The following PUDP variants were observed in gnomAD, a reference collection of about 807,000 sequenced individuals.
The protein encoded by PUDP is pseudouridine-5'-phosphatase.
PUDP carries 8 observed loss-of-function variants against 9.4 expected under a neutral mutation model. The observed-to-expected ratio is 0.85, with a 90% CI of 0.50 to 1.53. PUDP has a LOEUF of 1.53. Ranked by LOEUF, PUDP falls within the 40% of genes most tolerant of loss-of-function variation. The pLI, the probability that PUDP is intolerant of heterozygous loss-of-function variation, is 0.00. For missense variants in PUDP, 188 were observed against 189.7 expected, an observed-to-expected ratio of 0.99 and a Z score of 0.05; for synonymous variants, 99 against 80.7, an observed-to-expected ratio of 1.23 and a Z score of -1.22.
intron 1 of PUDP, among the ~76,000 whole-genome samples, chrX:7,025,113 G>A (rs1051995817): frequency 9.0e-6 from 1 of 111,593 alleles, no homozygotes; most frequent in African/African-American, 3.3e-5. Flanking sequence ...GTGTTCTCGG[G>A]TGTAATTACC....
chrX:6,748,435 C>A (rs974480620), intron 3 of PUDP, among the ~76,000 whole-genome samples: 1 of 111,770 alleles, frequency 8.9e-6, no homozygotes, highest in Admixed American at 9.5e-5. Flanking sequence ...ACGGTGCAGG[C>A]AGCATTGTAG....
At position 7,055,893 on chromosome X, in the gene PUDP, G is replaced by A. The variant is rs111655563; in HGVS notation, c.511-5421C>T. Among the ~76,000 whole-genome samples the A allele has an allele frequency of 4.2e-3, 474 of 111,976 alleles. 2 individuals carry two copies. The highest frequency in any genetic ancestry group is 0.018 in the South Asian group (49 of 2,654). ...GCAGAAATATCTCAACACAGTTTCC[G>A]TCTGCCACACCCAGCTACAGGGAAA... is the stretch of plus-strand genomic sequence containing the variant. On this transcript the variant is annotated intron_variant, in intron 3 of 3. Transcript: ENST00000381077.
chrX:7,082,622 G>A (rs1931134699), intron 2 of PUDP, among the ~76,000 whole-genome samples: 1 of 112,415 alleles, frequency 8.9e-6, no homozygotes, highest in African/African-American at 3.2e-5. Context: ...TGGGGCAGAC[G>A]ATGTGGTCAG....
chrX:6,738,413 A>G (rs1924898335), intron 3 of PUDP, among the ~76,000 whole-genome samples: 1 of 111,543 alleles, frequency 9.0e-6, no homozygotes, highest in Admixed American at 9.5e-5. Flanking sequence ...TGCACCTTAG[A>G]ACCACCTGGG....
intron 3 of PUDP, among the ~76,000 whole-genome samples, chrX:6,736,206 A>G (rs989079734): frequency 1.1e-4 from 12 of 111,987 alleles, no homozygotes; most frequent in Middle Eastern, 4.7e-3. Context: ...TAGTGAAAGA[A>G]TAAGAAAAAA....
At chrX:6,937,775 C>G (rs1928329541) in intron 3 of PUDP, among the ~76,000 whole-genome samples, 1 of 68,988 alleles carries the variant, frequency 1.4e-5, no homozygotes, top group African/African-American at 5.8e-5. Flanking sequence ...TGAACTCAAA[C>G]AAATTTACAA....
At position 7,103,076 on chromosome X, in the gene PUDP, A is replaced by C. The variant is rs757139744; in HGVS notation, c.280+2544T>G. ...GAGCAGAAACAGAGAAATACATCCT[A>C]AAATTCATAAAAAATCTCAAGGGAT... is the stretch of plus-strand genomic sequence containing the variant. On this transcript the variant is annotated intron_variant, in intron 2 of 3. Coordinates refer to ENST00000381077, the MANE Select transcript of PUDP (RefSeq NM_012080.5). Among the ~76,000 whole-genome samples, 7 of 111,922 alleles carry C rather than the reference A, an allele frequency of 6.3e-5. No individual in the cohort carries two copies. The East Asian group carries it at 1.7e-3, about 27-fold the overall frequency.
At chrX:6,720,180 G>A (rs1924647102) in intron 1 of PUDP, among the ~76,000 whole-genome samples, 1 of 98,172 alleles carries the variant, frequency 1.0e-5, no homozygotes, top group African/African-American at 3.7e-5. Context: ...ATATATGTGT[G>A]TATATACATA....
chrX:6,751,321 A>G (rs5989565), intron 3 of PUDP, among the ~76,000 whole-genome samples: 5,091 of 111,564 alleles, frequency 0.046, 266 homozygotes, highest in African/African-American at 0.16. Flanking sequence ...GCCCTTCATC[A>G]TTGCTATAGA....
intron 1 of PUDP, among the ~76,000 whole-genome samples, chrX:6,988,500 G>A (rs773063791): frequency 1.8e-5 from 2 of 112,342 alleles, no homozygotes; most frequent in South Asian, 7.5e-4. Context: ...TAAGCTATAT[G>A]TCTACGCATA....
At chrX:7,052,944 T>C (rs1013450254) in intron 3 of PUDP, among the ~76,000 whole-genome samples, 1 of 112,206 alleles carries the variant, frequency 8.9e-6, no homozygotes, top group African/African-American at 3.2e-5. Flanking sequence ...CCAAGTTGGT[T>C]TTCTCTGTTA....
intron 3 of PUDP, among the ~76,000 whole-genome samples, chrX:6,859,776 G>T (rs1451390094): frequency 4.5e-5 from 5 of 111,135 alleles, no homozygotes; most frequent in African/African-American, 1.6e-4. Flanking sequence ...CACCCCTGCT[G>T]ATTGGCTGTG....
At chrX:6,889,870 C>T (rs1037675465) in intron 3 of PUDP, among the ~76,000 whole-genome samples, 1 of 111,180 alleles carries the variant, frequency 9.0e-6, no homozygotes, top group African/African-American at 3.3e-5. Context: ...AGGAGTCATC[C>T]TCACGGGCTG....
chrX:7,036,639 C>T (rs1311892649), intron 1 of PUDP, among the ~76,000 whole-genome samples: 1 of 109,537 alleles, frequency 9.1e-6, no homozygotes, highest in African/African-American at 3.3e-5. Flanking sequence ...CAAATTCTTT[C>T]AGTGGTGTCT....
chrX:7,015,267 T>C (rs1224303098), intron 1 of PUDP, among the ~76,000 whole-genome samples: 1 of 112,012 alleles, frequency 8.9e-6, no homozygotes, highest in African/African-American at 3.3e-5. Context: ...TCCATTTTTA[T>C]GCCTAGGTTC....
chrX:7,143,831 G>A (rs1475755523), intron 1 of PUDP, among the ~76,000 whole-genome samples: 1 of 111,914 alleles, frequency 8.9e-6, no homozygotes. Flanking sequence ...CCTGAGATAA[G>A]GGTTCATCTC....
At chrX:6,709,823 T>C (rs775479234) in intron 1 of PUDP, among the ~76,000 whole-genome samples, 79 of 111,960 alleles carry the variant, frequency 7.1e-4, no homozygotes, top group African/African-American at 2.4e-3. Flanking sequence ...AAACTGGACG[T>C]TTTAAAAACT....
At chrX:7,120,058 A>G (rs1932298633) in intron 1 of PUDP, among the ~76,000 whole-genome samples, 1 of 110,572 alleles carries the variant, frequency 9.0e-6, no homozygotes, top group Non-Finnish European at 1.9e-5. Context: ...ATACATACAT[A>G]CACACATGCA....
intron 3 of PUDP, among the ~76,000 whole-genome samples, chrX:6,902,627 T>G (rs1457705902): frequency 8.9e-6 from 1 of 112,008 alleles, no homozygotes; most frequent in Admixed American, 9.4e-5. Flanking sequence ...GTAAATGGCA[T>G]GCAAGGGAGA....
Sources: allele counts gnomAD v4.1 joint callset (sites outside exome capture counted in the v4.1 genomes callset), GRCh38; gene constraint gnomAD v4.1.1; transcripts MANE v1.5; gene names NCBI Gene and HGNC (gene_info 2026-07-23, HGNC 2026-07-21).